UBE2H: variants seen among roughly 807,000 people sequenced by gnomAD.
UBE2H encodes the protein ubiquitin conjugating enzyme E2 H, also known as ubiquitin-conjugating enzyme E2 H.
UBE2H carries 3 observed loss-of-function variants against 29.0 expected under a neutral mutation model. That is an observed-to-expected ratio of 0.10 (90% CI 0.05 to 0.27). The LOEUF is 0.27. Ranked by LOEUF, UBE2H falls within the 10% of genes least tolerant of loss-of-function variation. The pLI, the probability that UBE2H is intolerant of heterozygous loss-of-function variation, is 1.00. For synonymous variants in UBE2H, 69 were observed against 82.9 expected (o/e 0.83, Z 0.91); for missense variants, 68 against 228.2 (o/e 0.30, Z 4.52).
chr7:129,871,058 T>A (rs1480773433), intron 3 of UBE2H, among the ~76,000 whole-genome samples: 1 of 152,244 alleles, frequency 6.6e-6, no homozygotes. Flanking sequence ...AAGGTACCTA[T>A]TCTATCCATT....
intron 1 of UBE2H, among the ~76,000 whole-genome samples, chr7:129,932,043 CA>C (rs982058127): frequency 1.3e-5 from 2 of 151,486 alleles, no homozygotes; most frequent in Non-Finnish European, 2.9e-5. Context: ...AAGCTAGTCT[CA>C]AACTCCTGAC....
intron 3 of UBE2H, among the ~76,000 whole-genome samples, chr7:129,859,838 C>T (rs113805738): frequency 2.6e-5 from 4 of 152,102 alleles, no homozygotes; most frequent in African/African-American, 7.2e-5. Flanking sequence ...TGAGTATCAC[C>T]ACCACTATCT....
intron 1 of UBE2H, among the ~76,000 whole-genome samples, chr7:129,926,027 AATT>A (rs55806864): frequency 0.062 from 9,469 of 152,262 alleles, 362 homozygotes; most frequent in Non-Finnish European, 0.091. Flanking sequence ...CCTCAAAACA[AATT>A]ATAAGTATTT....
At position 129,833,017 on chromosome 7, in the gene UBE2H, T is replaced by C. The variant is rs1805258918; in HGVS notation, c.*1920A>G. ...ACACCATTACATGTTAAATAGTTAA[T>C]ACTACCCTTCCAGCAAGCCACAGAT... On this transcript the variant is annotated 3_prime_UTR_variant, in exon 7 of 7. Coordinates refer to ENST00000355621, the MANE Select transcript of UBE2H (RefSeq NM_003344.4). 6.6e-6 allele frequency: 1 copy of C among 151,852 alleles called. No individual in the cohort carries two copies. Among genetic ancestry groups the C allele is most frequent in the Non-Finnish European group, 1.5e-5 (1 of 68,010 alleles). The allele number at this position is 151,852 out of a possible 1,614,324, so 9.4% of individuals were successfully genotyped here. A position where few individuals can be genotyped will look rare whatever the true frequency, so the allele number is the denominator to read the frequency against.
intron 3 of UBE2H, among the ~76,000 whole-genome samples, chr7:129,860,233 C>T (rs1805775298): frequency 6.6e-6 from 1 of 152,174 alleles, no homozygotes; most frequent in Non-Finnish European, 1.5e-5. Context: ...ACTCTAGTCA[C>T]TCACACTTTT....
In UBE2H at chr7:129,870,859, TGTG is replaced by T. The variant is rs1314109305; in HGVS notation, c.205+8706_205+8708del. ...TCAACCCTGCCTGCCACTTGGCCCG[TGTG>T]TCACACACCTCACATTTTACCCAGT... On this transcript the variant is annotated intron_variant, in intron 3 of 6. Coordinates refer to ENST00000355621, the MANE Select transcript of UBE2H (RefSeq NM_003344.4). 1.7e-3 allele frequency among the ~76,000 whole-genome samples: 253 copies of T among 152,342 alleles called. 2 individuals carry two copies. The highest frequency in any genetic ancestry group is 5.8e-3 in the African/African-American group (241 of 41,582).
Position 129,834,690 on chromosome 7 carries a change from A to T in UBE2H, c.*247T>A. The T allele has an allele frequency of 2.7e-6, 1 of 370,022 alleles. No homozygotes were observed. Among genetic ancestry groups the T allele is most frequent in the Non-Finnish European group, 4.8e-6 (1 of 207,574 alleles). 22.9% of individuals were successfully genotyped at this position (370,022 alleles called of 1,614,324 possible). Reference sequence around the variant, plus strand: ...GCTGACTTGGCCACATGGACTCATGAATGCATGCATTCAGACCGCATATTG... The same window carrying T: ...GCTGACTTGGCCACATGGACTCATGTATGCATGCATTCAGACCGCATATTG... On this transcript the variant is annotated 3_prime_UTR_variant, in exon 7 of 7. Transcript: ENST00000355621.
At chr7:129,949,051 T>C (rs76163052) in intron 1 of UBE2H, 7 of 456,640 alleles carry the variant, frequency 1.5e-5, no homozygotes, top group East Asian at 6.9e-5. Flanking sequence ...TGCGGCCTTT[T>C]GCCTGCATAC....
chr7:129,936,792 C>A (rs1210019092), intron 1 of UBE2H, among the ~76,000 whole-genome samples: 2 of 141,972 alleles, frequency 1.4e-5, no homozygotes, highest in African/African-American at 5.3e-5. Context: ...GGTGAAACCC[C>A]GTCTCTACTA....
At chr7:129,851,474 A>G (rs1232477236) in intron 5 of UBE2H, among the ~76,000 whole-genome samples, 2 of 152,228 alleles carry the variant, frequency 1.3e-5, no homozygotes, top group East Asian at 3.8e-4. Context: ...AATATCAGAA[A>G]AGAATAACAA....
chr7:129,836,689 G>A (rs1397081498), intron 6 of UBE2H, among the ~76,000 whole-genome samples: 3 of 152,048 alleles, frequency 2.0e-5, no homozygotes, highest in Admixed American at 6.5e-5. Context: ...AGACCAGCCT[G>A]GCCAACATGG....
At chr7:129,850,467 G>A (rs1364334882) in intron 5 of UBE2H, among the ~76,000 whole-genome samples, 1 of 152,222 alleles carries the variant, frequency 6.6e-6, no homozygotes, top group Non-Finnish European at 1.5e-5. Context: ...TGGTTTTTAA[G>A]TATTCAAAGC....
intron 5 of UBE2H, among the ~76,000 whole-genome samples, chr7:129,855,645 G>A (rs1001642649): frequency 1.3e-5 from 2 of 152,226 alleles, no homozygotes; most frequent in Admixed American, 1.3e-4. Context: ...GAGAGAGAGA[G>A]ACGAGAACAA....
intron 3 of UBE2H, among the ~76,000 whole-genome samples, chr7:129,860,731 T>G (rs1344949378): frequency 6.6e-6 from 1 of 151,998 alleles, no homozygotes; most frequent in Non-Finnish European, 1.5e-5. Context: ...TTTTTTAAGT[T>G]GCAGGATGTT....
Position 129,939,982 on chromosome 7 carries a change from G to T in UBE2H, c.53+12521C>A, listed in dbSNP as rs777155247. Among the ~76,000 whole-genome samples the T allele has an allele frequency of 6.6e-5, 10 of 151,572 alleles. No homozygotes were observed. In the South Asian group the frequency reaches 1.3e-3, roughly 19 times the overall value. On this transcript the variant is annotated intron_variant, in intron 1 of 6. Coordinates refer to ENST00000355621, the MANE Select transcript of UBE2H (RefSeq NM_003344.4). ...TCAAAAAAAAAAAGAAAGAAAGAAA[G>T]AAAGAAAAGCAAAATCCAGATTACC... is the stretch of plus-strand genomic sequence containing the variant.
chr7:129,853,056 C>G (rs909266694), intron 5 of UBE2H, among the ~76,000 whole-genome samples: 1 of 152,054 alleles, frequency 6.6e-6, no homozygotes, highest in Non-Finnish European at 1.5e-5. Flanking sequence ...AAATAATTTA[C>G]GAAGGCAGTC....
chr7:129,950,453 C>T (rs563449673), intron 1 of UBE2H, among the ~76,000 whole-genome samples: 1 of 152,138 alleles, frequency 6.6e-6, no homozygotes, highest in Non-Finnish European at 1.5e-5. Context: ...CTCCACCCCC[C>T]ACACCCCGAC....
rs548157055 is a variant in UBE2H at position 129,936,302 on chromosome 7, T to C, written c.53+16201A>G. Among the ~76,000 whole-genome samples the C allele has an allele frequency of 3.3e-5, 5 of 152,238 alleles. No individual in the cohort carries two copies. The East Asian group carries it at 7.7e-4, about 24-fold the overall frequency. On this transcript the variant is annotated intron_variant, in intron 1 of 6. Coordinates refer to ENST00000355621, the MANE Select transcript of UBE2H (RefSeq NM_003344.4). The stretch of plus-strand genomic sequence containing the variant: ...AACTGATTTCTGATTCTACAAAAAA[T>C]AGAATTTCTAAGCCGGGCACGGTGG...
At chr7:129,913,558 A>G (rs1186077503) in intron 1 of UBE2H, among the ~76,000 whole-genome samples, 1 of 152,104 alleles carries the variant, frequency 6.6e-6, no homozygotes, top group East Asian at 1.9e-4. Context: ...CCAAGCATCT[A>G]AGGCCTGTAT....
Sources: allele counts gnomAD v4.1 joint callset (sites outside exome capture counted in the v4.1 genomes callset), GRCh38; gene constraint gnomAD v4.1.1; transcripts MANE v1.5; gene names NCBI Gene and HGNC (gene_info 2026-07-23, HGNC 2026-07-21).